The following MPP4 variants were observed in gnomAD, a reference collection of about 807,000 sequenced individuals.
MPP4 encodes the protein MAGUK p55 subfamily member 4.
A neutral mutation model predicts 98.3 loss-of-function variants in MPP4; 91 were observed. That is an observed-to-expected ratio of 0.93 (90% CI 0.78 to 1.10). The LOEUF (loss-of-function observed/expected upper bound fraction) is 1.10, where lower values mean the gene tolerates loss of function less well. MPP4 is among the 50% of genes least tolerant of loss of function. The pLI, the probability that MPP4 is intolerant of heterozygous loss-of-function variation, is 0.00. For missense variants in MPP4, 744 were observed against 792.9 expected (o/e 0.94, Z 0.74); for synonymous variants, 261 against 271.8 (o/e 0.96, Z 0.39).
intron 4 of MPP4, among the ~76,000 whole-genome samples, chr2:201,687,614 C>T (rs1688876318): frequency 6.6e-6 from 1 of 152,148 alleles, no homozygotes; most frequent in South Asian, 2.1e-4. Context: ...AAACCCAATG[C>T]CCAATCCTGG....
At chr2:201,658,403 T>C in intron 16 of MPP4, 74 bp downstream of exon 16, 1 of 1,318,490 alleles carries the variant, frequency 7.6e-7, no homozygotes. Flanking sequence ...AAAGAAACTT[T>C]CAAAACAGTG....
In MPP4 at chr2:201,664,400, G is replaced by T; in HGVS notation, c.1052-299C>A. On this transcript the variant is annotated intron_variant, in intron 13 of 21. Transcript: ENST00000409474. ...AATGTAAAAAGCAGCTCAGAGGGAAGGGGAAAGTGGAATGTCAGGGAAATC... is the reference window on the plus strand; with the variant it reads ...AATGTAAAAAGCAGCTCAGAGGGAATGGGAAAGTGGAATGTCAGGGAAATC... The T allele has an allele frequency of 5.2e-6, 6 of 1,149,510 alleles. No individual in the cohort carries two copies. The Admixed American group carries it at 7.4e-5, about 14-fold the overall frequency. 71.2% of individuals were successfully genotyped at this position (1,149,510 alleles called of 1,614,324 possible).
chr2:201,652,035 A>G (rs1332939158), intron 18 of MPP4: 1 of 976,290 alleles, frequency 1.0e-6, no homozygotes, highest in African/African-American at 1.8e-5. Context: ...TTTCAGATTA[A>G]TGCACATTCC....
chr2:201,677,113 C>G, intron 10 of MPP4, among the ~76,000 whole-genome samples: 1 of 152,080 alleles, frequency 6.6e-6, no homozygotes, highest in East Asian at 1.9e-4. Flanking sequence ...CTTGGTTACT[C>G]CATGGTTAAT....
At position 201,690,295 on chromosome 2, in the gene MPP4, G is replaced by A. The variant is rs1424925913; in HGVS notation, c.202-16C>T. ...AGTCATAAATCTGCAGAAGGACAAG[G>A]GAGGGAGAATTGATATTGATAATAT... On this transcript the variant is annotated splice_polypyrimidine_tract_variant and intron_variant, in intron 3 of 21. Transcript: ENST00000409474. The A allele has an allele frequency of 3.9e-6, 6 of 1,556,946 alleles. No individual in the cohort carries two copies. The Admixed American group carries it at 5.3e-5, about 14-fold the overall frequency.
intron 3 of MPP4, among the ~76,000 whole-genome samples, chr2:201,691,464 G>T (rs1024817304): frequency 6.6e-6 from 1 of 151,872 alleles, no homozygotes; most frequent in Non-Finnish European, 1.5e-5. Context: ...AGACGCTATT[G>T]TATAGTGCAT....
chr2:201,654,015 C>T (rs1306600402), intron 18 of MPP4, among the ~76,000 whole-genome samples: 2 of 151,720 alleles, frequency 1.3e-5, no homozygotes, highest in South Asian at 4.2e-4. Context: ...CTCACTTTCT[C>T]GCCCAGACTG....
chr2:201,648,021 ATTTTG>A lies in MPP4; in HGVS notation c.1585-201_1585-197del, dbSNP rs532603547. On this transcript the variant is annotated intron_variant, in intron 20 of 21. Coordinates refer to ENST00000409474, the MANE Select transcript of MPP4 (RefSeq NM_033066.3). ...CAGGCATGTGCCACCATGCCCAGCT[ATTTTG>A]TTTTGTTTTATTTTGTTTTTGAGTC... 1.8e-4 allele frequency among the ~76,000 whole-genome samples: 28 copies of A among 151,850 alleles called. No homozygotes were observed. In the South Asian group the frequency reaches 3.3e-3, roughly 18 times the overall value.
chr2:201,665,676 C>A (rs1163432072), intron 13 of MPP4: 1 of 152,058 alleles, frequency 6.6e-6, no homozygotes, highest in East Asian at 1.9e-4. Context: ...CATTGAAATG[C>A]CCACTGTTTT....
In MPP4 at chr2:201,679,421, A is replaced by G. The variant is rs138145843; in HGVS notation, c.929+1417T>C. On this transcript the variant is annotated intron_variant, in intron 10 of 21. Transcript: ENST00000409474. ...TCAAGCTTTCTACTCTCTCCTTCCCAATGCCCCCTTCCCCACCCTGCTCTC... is the reference window on the plus strand; with the variant it reads ...TCAAGCTTTCTACTCTCTCCTTCCCGATGCCCCCTTCCCCACCCTGCTCTC... 3.1e-4 allele frequency among the ~76,000 whole-genome samples: 47 copies of G among 152,112 alleles called. 3 individuals carry two copies. In the East Asian group the frequency reaches 8.7e-3, roughly 28 times the overall value.
intron 15 of MPP4, among the ~76,000 whole-genome samples, chr2:201,659,602 G>A (rs547936837): frequency 1.3e-5 from 2 of 152,294 alleles, no homozygotes; most frequent in Middle Eastern, 3.4e-3. Context: ...GGAGGCCGAG[G>A]GTGGCAGATC....
intron 14 of MPP4, chr2:201,661,407 C>T (rs1265847508): frequency 2.2e-6 from 1 of 456,456 alleles, no homozygotes; most frequent in Admixed American, 2.3e-5. Flanking sequence ...GCCAAGGGTT[C>T]TATGCTTAGA....
chr2:201,654,139 C>A (rs912108934), intron 18 of MPP4, among the ~76,000 whole-genome samples: 1 of 152,026 alleles, frequency 6.6e-6, no homozygotes, highest in Non-Finnish European at 1.5e-5. Flanking sequence ...CCACACCCAG[C>A]TAATTTTTGT....
chr2:201,687,633 C>T (rs187062883), intron 4 of MPP4, among the ~76,000 whole-genome samples: 12 of 152,260 alleles, frequency 7.9e-5, no homozygotes, highest in Admixed American at 2.0e-4. Context: ...GGCACATAGG[C>T]ATGGAGGATG....
chr2:201,659,598 C>T (rs996696862), intron 15 of MPP4, among the ~76,000 whole-genome samples: 3 of 152,052 alleles, frequency 2.0e-5, no homozygotes, highest in Non-Finnish European at 2.9e-5. Context: ...TTTGGGAGGC[C>T]GAGGGTGGCA....
In MPP4 at chr2:201,679,573, A is replaced by G. The variant is rs534030650; in HGVS notation, c.929+1265T>C. On this transcript the variant is annotated intron_variant, in intron 10 of 21. Transcript: ENST00000409474. ...TTCCCTCGTGGTACCATTTCTATGG[A>G]TGAGCTGTTTATGGTCCTAGGTCAG... 2.0e-5 allele frequency among the ~76,000 whole-genome samples: 3 copies of G among 152,246 alleles called. No individual in the cohort carries two copies. In the South Asian group the frequency reaches 6.2e-4, roughly 32 times the overall value.
At chr2:201,656,124 C>G (rs1687839135) in intron 17 of MPP4, 74 bp downstream of exon 17, 1 of 1,441,074 alleles carries the variant, frequency 6.9e-7, no homozygotes, top group Admixed American at 2.6e-5. Context: ...CACCATTATT[C>G]CCAATGCAAG....
At chr2:201,690,939 C>G (rs1688999542) in intron 3 of MPP4, among the ~76,000 whole-genome samples, 1 of 152,188 alleles carries the variant, frequency 6.6e-6, no homozygotes, top group South Asian at 2.1e-4. Context: ...TGCAATGCAC[C>G]CCTTGATCTT....
At chr2:201,671,125 T>G (rs1411657021) in intron 11 of MPP4, among the ~76,000 whole-genome samples, 1 of 151,316 alleles carries the variant, frequency 6.6e-6, no homozygotes, top group Non-Finnish European at 1.5e-5. Context: ...AGCACAAAAC[T>G]GGGCGGCCGT....
Sources: gnomAD v4.1 joint callset for allele counts (sites outside exome capture counted in the v4.1 genomes callset) on GRCh38, gnomAD v4.1.1 for gene constraint, MANE v1.5 for transcripts, NCBI Gene and HGNC (gene_info 2026-07-23, HGNC 2026-07-21) for gene names.